Variants in FARP1 observed in about 807,000 individuals in gnomAD.
FARP1 encodes the protein FERM, ARHGEF and pleckstrin domain-containing protein 1.
Under a neutral mutation model 128.8 loss-of-function variants are expected in FARP1, and 52 were observed. The observed-to-expected ratio is 0.40, with a 90% CI of 0.32 to 0.51. The LOEUF (loss-of-function observed/expected upper bound fraction) is 0.51, where lower values mean the gene tolerates loss of function less well. FARP1 is among the 20% of genes least tolerant of loss of function. FARP1 has a pLI of 0.45. For synonymous variants in FARP1, 580 were observed against 551.8 expected (o/e 1.05, Z -0.72); for missense variants, 1,333 against 1,367.9 (o/e 0.97, Z 0.40).
intron 2 of FARP1, among the ~76,000 whole-genome samples, chr13:98,275,326 A>G (rs113438460): frequency 7.6e-6 from 1 of 131,960 alleles, no homozygotes; most frequent in African/African-American, 2.9e-5. Context: ...GTGGCAGTGA[A>G]TGTGGGTAAG....
chr13:98,296,991 T>C (rs909744840), intron 2 of FARP1, among the ~76,000 whole-genome samples: 1 of 152,238 alleles, frequency 6.6e-6, no homozygotes, highest in Non-Finnish European at 1.5e-5. Flanking sequence ...ATGACACTGA[T>C]TTAAATGATT....
At chr13:98,245,587 A>G (rs76249644) in intron 2 of FARP1, among the ~76,000 whole-genome samples, 2,410 of 152,324 alleles carry the variant, frequency 0.016, 74 homozygotes, top group African/African-American at 0.056. Context: ...CCTGAGCTAG[A>G]TAGAATAGCA....
At chr13:98,433,999 T>C (rs1216693575) in intron 18 of FARP1, 1 of 152,244 alleles carries the variant, frequency 6.6e-6, no homozygotes, top group African/African-American at 2.4e-5. Context: ...CGGTGTGTGG[T>C]TTTGAAGGCG....
chr13:98,226,399 A>G (rs1275482422), intron 2 of FARP1, among the ~76,000 whole-genome samples: 1 of 151,742 alleles, frequency 6.6e-6, no homozygotes, highest in Non-Finnish European at 1.5e-5. Context: ...TACTGACTTC[A>G]TTGCAACTTG....
intron 1 of FARP1, among the ~76,000 whole-genome samples, chr13:98,147,235 A>G (rs930780863): frequency 7.2e-5 from 11 of 152,206 alleles, no homozygotes; most frequent in African/African-American, 2.4e-4. Context: ...ATCATGCTCG[A>G]AGCTTTTGAT....
At chr13:98,224,534 A>G (rs973745829) in intron 2 of FARP1, among the ~76,000 whole-genome samples, 11 of 66,894 alleles carry the variant, frequency 1.6e-4, no homozygotes, top group East Asian at 5.6e-4. Flanking sequence ...CTCAAAAAAA[A>G]AAAAAAAAAA....
In FARP1 at chr13:98,368,923, A is replaced by G. The variant is rs139778016; in HGVS notation, c.398+728A>G. Among the ~76,000 whole-genome samples the G allele has an allele frequency of 1.6e-3, 232 of 143,184 alleles. 6 individuals carry two copies. The East Asian group carries it at 0.044, about 27-fold the overall frequency. 93.9% of individuals were successfully genotyped at this position (143,184 alleles called of 152,430 possible). On this transcript the variant is annotated intron_variant, in intron 5 of 26. Transcript: ENST00000319562. The stretch of plus-strand genomic sequence containing the variant: ...ACATCATCACTTCTACTCATTTTAT[A>G]TATACCTTTTTTTTTTTTTTGCAAC...
At chr13:98,375,672 A>G (rs371072283) in intron 5 of FARP1, among the ~76,000 whole-genome samples, 7 of 152,252 alleles carry the variant, frequency 4.6e-5, no homozygotes, top group South Asian at 4.1e-4. Context: ...CCTGTCACCC[A>G]GGCTGGAGTG....
At chr13:98,321,763 A>G (rs576890852) in intron 2 of FARP1, among the ~76,000 whole-genome samples, 32 of 152,228 alleles carry the variant, frequency 2.1e-4, no homozygotes, top group Non-Finnish European at 3.7e-4. Flanking sequence ...CTCTTTGAGC[A>G]TTGTTATTTG....
chr13:98,439,250 G>A lies in FARP1; in HGVS notation c.2433+54G>A, dbSNP rs555452762. ...GCCTGTCCTCGGGGGCAGCAGGTGC[G>A]GGCGCTGCTGACCCGGCGATGAGGA... On this transcript the variant is annotated intron_variant, in intron 21 of 26. Transcript: ENST00000319562. The A allele has an allele frequency of 1.7e-4, 213 of 1,259,586 alleles. No individual in the cohort carries two copies. In the African/African-American group the frequency reaches 2.4e-3, roughly 14 times the overall value. The allele number at this position is 1,259,586 out of a possible 1,614,324, so 78.0% of individuals were successfully genotyped here.
In FARP1 at chr13:98,446,174, A is replaced by G; in HGVS notation, c.2873A>G (p.Asn958Ser). 3 of 1,613,674 alleles carry G rather than the reference A, an allele frequency of 1.9e-6. No homozygotes were observed. The highest frequency in any genetic ancestry group is 2.5e-6 in the Non-Finnish European group (3 of 1,179,620). Reference protein sequence around the residue: ...GWQKLWVVFTNFCLFFYKSHQ... With the variant: ...GWQKLWVVFTSFCLFFYKSHQ... ...CAGAAGCTGTGGGTGGTGTTCACAA[A>G]CTTCTGCCTGTTCTTCTACAAATCA... is the stretch of plus-strand genomic sequence containing the variant. Residue 958 changes from asparagine to serine, a missense_variant, in exon 25 of 27, where the codon AAC (asparagine) becomes AGC (serine). Asn to Ser is a conservative substitution (Grantham distance 46). Coordinates refer to ENST00000319562, the MANE Select transcript of FARP1 (RefSeq NM_005766.4).
intron 5 of FARP1, among the ~76,000 whole-genome samples, chr13:98,369,332 ACTAAT>A (rs1301015009): frequency 6.7e-6 from 1 of 149,682 alleles, no homozygotes; most frequent in African/African-American, 2.5e-5. Flanking sequence ...TTCAGAGGAC[ACTAAT>A]CTAACCAGCC....
intron 2 of FARP1, chr13:98,234,322 G>A (rs1314513540): frequency 6.6e-6 from 1 of 152,228 alleles, no homozygotes; most frequent in African/African-American, 2.4e-5. Flanking sequence ...CTTAAGGCAA[G>A]TAGGGTATAA....
chr13:98,256,955 A>ATATATATATATATATATATATGTG (rs1566801064), intron 2 of FARP1, among the ~76,000 whole-genome samples: 1 of 68,990 alleles, frequency 1.4e-5, no homozygotes, highest in Non-Finnish European at 2.6e-5. Flanking sequence ...GTGGATATAT[A>ATATATATATATATATATATATGTG]TATATATATA....
chr13:98,195,043 G>A (rs1204766852), intron 1 of FARP1, among the ~76,000 whole-genome samples: 1 of 152,138 alleles, frequency 6.6e-6, no homozygotes, highest in African/African-American at 2.4e-5. Flanking sequence ...TGTAGAATCG[G>A]GAGTGTTAAA....
intron 13 of FARP1, chr13:98,407,234 A>T (rs1005146789): frequency 1.3e-5 from 2 of 152,570 alleles, no homozygotes; most frequent in African/African-American, 2.4e-5. Context: ...ATAAAAAACA[A>T]CTCTCCAACA....
intron 1 of FARP1, among the ~76,000 whole-genome samples, chr13:98,203,635 A>G (rs1312293560): frequency 1.3e-5 from 2 of 152,108 alleles, no homozygotes; most frequent in Admixed American, 6.5e-5. Context: ...CATTTGGTTT[A>G]TTCACTCACC....
chr13:98,256,512 C>T (rs1883592722), intron 2 of FARP1, among the ~76,000 whole-genome samples: 1 of 151,486 alleles, frequency 6.6e-6, no homozygotes. Flanking sequence ...TTGGTCTGTA[C>T]CTTTAAAAAT....
intron 19 of FARP1, among the ~76,000 whole-genome samples, chr13:98,437,597 GT>G (rs1892327470): frequency 6.6e-6 from 1 of 152,218 alleles, no homozygotes; most frequent in African/African-American, 2.4e-5. Flanking sequence ...TAACGCCGCG[GT>G]TGCAGCGAAC....
Sources: allele counts gnomAD v4.1 joint callset (sites outside exome capture counted in the v4.1 genomes callset), GRCh38; gene constraint gnomAD v4.1.1; transcripts MANE v1.5; gene names NCBI Gene and HGNC (gene_info 2026-07-23, HGNC 2026-07-21).